Variants in NPEPPS observed in about 807,000 individuals in gnomAD.
NPEPPS encodes the protein aminopeptidase puromycin sensitive.
Under a neutral mutation model 115.5 loss-of-function variants are expected in NPEPPS, and 14 were observed. The ratio of observed to expected loss-of-function variants is 0.12; its 90% CI spans 0.08 to 0.19. NPEPPS has a LOEUF of 0.19. NPEPPS is among the 10% of genes least tolerant of loss of function. NPEPPS has a pLI of 1.00. For missense variants in NPEPPS, 523 were observed against 1,110.8 expected, an observed-to-expected ratio of 0.47 and a Z score of 7.52; for synonymous variants, 285 against 390.6, an observed-to-expected ratio of 0.73 and a Z score of 3.19.
intron 15 of NPEPPS, 93 bp downstream of exon 15, chr17:47,601,840 A>C (rs1461034496): frequency 1.5e-6 from 2 of 1,300,178 alleles, no homozygotes; most frequent in Non-Finnish European, 2.1e-6. Context: ...TTTCAAAGAA[A>C]AAAAAAAACC....
intron 2 of NPEPPS, among the ~76,000 whole-genome samples, chr17:47,557,172 G>T (rs1445485463): frequency 6.6e-6 from 1 of 151,908 alleles, no homozygotes; most frequent in Non-Finnish European, 1.5e-5. Context: ...CCTGCCTTCT[G>T]GTTTCAAGTG....
upstream of NPEPPS, among the ~76,000 whole-genome samples, chr17:47,528,516 C>T (rs553117825): frequency 6.6e-6 from 1 of 152,150 alleles, no homozygotes; most frequent in African/African-American, 2.4e-5. Flanking sequence ...GAGCCACTAA[C>T]CACACGTGAC....
chr17:47,584,341 T>G (rs1879060459), intron 5 of NPEPPS, among the ~76,000 whole-genome samples: 2 of 152,192 alleles, frequency 1.3e-5, no homozygotes, highest in Non-Finnish European at 2.9e-5. Flanking sequence ...TCTGGCTGTT[T>G]GTATTCTTGG....
chr17:47,596,480 T>C lies in NPEPPS; in HGVS notation c.1536+18T>C. 1.4e-6 allele frequency: 2 copies of C among 1,475,162 alleles called. No homozygotes were observed. The highest frequency in any genetic ancestry group is 1.9e-6 in the Non-Finnish European group (2 of 1,077,698). The allele number at this position is 1,475,162 out of a possible 1,614,324, so 91.4% of individuals were successfully genotyped here. On this transcript the variant is annotated intron_variant, in intron 13 of 22. Coordinates refer to ENST00000322157, the MANE Select transcript of NPEPPS (RefSeq NM_006310.4). ...CTGAACAGGTAAACATATAAAGTCT[T>C]TCCATTTGTCTGATATTGTATTAAA...
chr17:47,611,334 C>T (rs1345230495), intron 17 of NPEPPS, among the ~76,000 whole-genome samples: 2 of 151,696 alleles, frequency 1.3e-5, no homozygotes, highest in African/African-American at 2.4e-5. Context: ...GTGGCACAAC[C>T]GTGTATTCCC....
Position 47,612,576 on chromosome 17 carries a change from A to G in NPEPPS, c.2212A>G (p.Ile738Val), listed in dbSNP as rs1284375523. The change falls in exon 18 of 23, where the codon ATT becomes GTT. Residue 738 changes from isoleucine to valine, a missense_variant. Physicochemically the swap from Ile to Val is conservative, Grantham distance 29 (BLOSUM62 3). Coordinates refer to ENST00000322157, the MANE Select transcript of NPEPPS (RefSeq NM_006310.4). ...TAAGGACCACGTGGAAGGAAAACAG[A>G]TTCTCTCCGCTGATCTGAGGAGTCC... is the stretch of plus-strand genomic sequence containing the variant. Reference protein sequence around the residue: ...RFKDHVEGKQILSADLRSPVY... With the variant: ...RFKDHVEGKQVLSADLRSPVY... The G allele has an allele frequency of 6.2e-7, 1 of 1,613,172 alleles. No homozygotes were observed. The highest frequency in any genetic ancestry group is 1.3e-5 in the African/African-American group (1 of 74,780).
chr17:47,618,216 TAA>T, intron 19 of NPEPPS, 132 bp from the exon 20 acceptor site: 1 of 614,458 alleles, frequency 1.6e-6, no homozygotes. Flanking sequence ...TTCTTTAATA[TAA>T]TGCCCTGCCA....
intron 15 of NPEPPS, chr17:47,601,981 A>C (rs974044039): frequency 6.8e-6 from 3 of 444,254 alleles, no homozygotes; most frequent in African/African-American, 6.2e-5. Flanking sequence ...AAGAAAAAAA[A>C]AAAAGTAGAC....
chr17:47,559,048 A>G (rs111338719), intron 2 of NPEPPS, among the ~76,000 whole-genome samples: 16 of 116,898 alleles, frequency 1.4e-4, no homozygotes, highest in Admixed American at 1.1e-3. Flanking sequence ...AAAAAAGAGG[A>G]AAAAAAAAAA....
At position 47,576,417 on chromosome 17, in the gene NPEPPS, G is replaced by A. The variant is rs8069919; in HGVS notation, c.419-2973G>A. The stretch of plus-strand genomic sequence containing the variant: ...TGAGGCAGGAGAATTGCTTGAACCC[G>A]GGAGCCGAAGGTTGCAGTGAGCCGA... On this transcript the variant is annotated intron_variant, in intron 3 of 22. Coordinates refer to ENST00000322157, the MANE Select transcript of NPEPPS (RefSeq NM_006310.4). Among the ~76,000 whole-genome samples, 1,174 of 152,240 alleles carry A rather than the reference G, an allele frequency of 7.7e-3. 19 individuals are homozygous for A. Among genetic ancestry groups the A allele is most frequent in the African/African-American group, 0.026 (1,073 of 41,540 alleles).
intron 1 of NPEPPS, among the ~76,000 whole-genome samples, chr17:47,545,167 C>A (rs1909106105): frequency 6.6e-6 from 1 of 152,058 alleles, no homozygotes; most frequent in African/African-American, 2.4e-5. Context: ...ATCACACCCA[C>A]CTAATTAAAA....
chr17:47,564,606 TAGTG>T (rs1910674830), intron 2 of NPEPPS, among the ~76,000 whole-genome samples: 1 of 150,108 alleles, frequency 6.7e-6, no homozygotes, highest in Non-Finnish European at 1.5e-5. Flanking sequence ...CAAACTGTAT[TAGTG>T]AATGAATTAT....
At chr17:47,537,201 A>G (rs2143675870) in intron 1 of NPEPPS, among the ~76,000 whole-genome samples, 1 of 152,168 alleles carries the variant, frequency 6.6e-6, no homozygotes, top group Non-Finnish European at 1.5e-5. Flanking sequence ...AAAAATTCAT[A>G]TATATAAAAT....
At chr17:47,559,385 C>T (rs1486169080) in intron 2 of NPEPPS, among the ~76,000 whole-genome samples, 1 of 152,024 alleles carries the variant, frequency 6.6e-6, no homozygotes, top group East Asian at 1.9e-4. Context: ...TTAATTTTTC[C>T]AAATTTGCTT....
chr17:47,601,564 CTGTTTGTCCCAGTGCAAAATT>C, intron 14 of NPEPPS, 23 bp from the exon 15 acceptor site: 1 of 1,610,672 alleles, frequency 6.2e-7, no homozygotes, highest in Non-Finnish European at 8.5e-7. Context: ...ACCTTACCTT[CTGTTTGTCCCAGTGCAAAATT>C]TGTTTGTTCT....
intron 5 of NPEPPS, among the ~76,000 whole-genome samples, chr17:47,583,729 A>G (rs1442681737): frequency 6.6e-6 from 1 of 152,094 alleles, no homozygotes; most frequent in African/African-American, 2.4e-5. Context: ...AGTCTGGGCA[A>G]CATAGTGAGA....
Position 47,621,904 on chromosome 17 carries a change from C to A in NPEPPS, c.2744C>A (p.Ser915Ter). 1 of 1,612,398 alleles carries A rather than the reference C, an allele frequency of 6.2e-7. No homozygotes were observed. The highest frequency in any genetic ancestry group is 8.5e-7 in the Non-Finnish European group (1 of 1,179,180). Residue 915 changes from serine (S) to a stop codon, truncating the protein, a stop_gained, in exon 23 of 23, where the codon TCA becomes TAA. Transcript: ENST00000322157. LOFTEE classifies it high-confidence loss of function. ...IHQYLLQRKA[S>*]PPTV ...CAGTACCTCCTTCAGCGGAAGGCCT[C>A]ACCACCCACAGTGTGAATCCTGAGG...
At chr17:47,589,130 A>G (rs1480689699) in intron 9 of NPEPPS, among the ~76,000 whole-genome samples, 1 of 151,422 alleles carries the variant, frequency 6.6e-6, no homozygotes, top group African/African-American at 2.4e-5. Context: ...TGCCTTTTGT[A>G]GAGACAGGGT....
intron 2 of NPEPPS, among the ~76,000 whole-genome samples, chr17:47,555,893 G>A (rs1338688378): frequency 1.3e-5 from 2 of 151,386 alleles, no homozygotes; most frequent in East Asian, 1.9e-4. Flanking sequence ...AGTTAGGGAA[G>A]CTCTGCTATA....
Sources: allele counts gnomAD v4.1 joint callset (sites outside exome capture counted in the v4.1 genomes callset), GRCh38; gene constraint gnomAD v4.1.1; transcripts MANE v1.5; gene names NCBI Gene and HGNC (gene_info 2026-07-23, HGNC 2026-07-21).